TEX2: variants seen among roughly 807,000 people sequenced by gnomAD.
TEX2 encodes the protein testis expressed 2.
In TEX2, 53 loss-of-function variants were observed where a neutral mutation model predicts 106.9. That is an observed-to-expected ratio of 0.50 (90% CI 0.40 to 0.62). The LOEUF is 0.62. Ranked by LOEUF, TEX2 falls within the 20% of genes least tolerant of loss-of-function variation. The pLI, the probability that TEX2 is intolerant of heterozygous loss-of-function variation, is 0.00. For missense variants in TEX2, 1,207 were observed against 1,379.0 expected (o/e 0.88, Z 1.98); for synonymous variants, 523 against 534.8 (o/e 0.98, Z 0.30).
chr17:64,253,437 T>C (rs1237544668), intron 1 of TEX2, among the ~76,000 whole-genome samples: 1 of 151,810 alleles, frequency 6.6e-6, no homozygotes, highest in Admixed American at 6.6e-5. Context: ...AGTGTTGAGA[T>C]TACAGGTGTG....
chr17:64,168,943 C>T (rs1450481417), intron 7 of TEX2, among the ~76,000 whole-genome samples: 2 of 144,056 alleles, frequency 1.4e-5, no homozygotes, highest in Non-Finnish European at 3.0e-5. Context: ...GCTCTGTTGC[C>T]CAGGCCTCAG....
chr17:64,200,149 T>C (rs1225510189), intron 2 of TEX2, among the ~76,000 whole-genome samples: 1 of 152,318 alleles, frequency 6.6e-6, no homozygotes, highest in Non-Finnish European at 1.5e-5. Flanking sequence ...CATAGTTCTA[T>C]AGGAAAATTA....
At chr17:64,261,806 C>T (rs1294296716) in intron 1 of TEX2, among the ~76,000 whole-genome samples, 1 of 152,190 alleles carries the variant, frequency 6.6e-6, no homozygotes, top group Non-Finnish European at 1.5e-5. Flanking sequence ...TAACTTTAGA[C>T]CAACTACCAT....
In TEX2 at chr17:64,148,719, G is replaced by C; in HGVS notation, c.*250C>G. On this transcript the variant is annotated 3_prime_UTR_variant, in exon 12 of 12. Coordinates refer to ENST00000584379, the MANE Select transcript of TEX2 (RefSeq NM_001288732.2). ...TGGTGTGGGTCACGTATAACTTCTG[G>C]ATCCACCATGATTCTTCCATGGTCT... 1 of 459,712 alleles carries C rather than the reference G, an allele frequency of 2.2e-6. No individual in the cohort carries two copies. The highest frequency in any genetic ancestry group is 3.9e-6 in the Non-Finnish European group (1 of 258,312). 28.5% of individuals were successfully genotyped at this position (459,712 alleles called of 1,614,324 possible).
At chr17:64,173,290 C>A (rs921764935) in intron 6 of TEX2, among the ~76,000 whole-genome samples, 9 of 151,834 alleles carry the variant, frequency 5.9e-5, no homozygotes, top group Admixed American at 3.3e-4. Flanking sequence ...TCCCAGAATT[C>A]TCTTAGTTAT....
intron 1 of TEX2, among the ~76,000 whole-genome samples, chr17:64,215,229 T>C (rs1266633122): frequency 6.6e-6 from 1 of 152,222 alleles, no homozygotes; most frequent in East Asian, 1.9e-4. Flanking sequence ...GCACTAGCCC[T>C]ACTATGTAAA....
chr17:64,218,999 A>G (rs782439534), intron 1 of TEX2, among the ~76,000 whole-genome samples: 15 of 152,286 alleles, frequency 9.8e-5, no homozygotes, highest in Non-Finnish European at 1.8e-4. Flanking sequence ...CCACGAAAGC[A>G]AAGCACTTTC....
In TEX2 at chr17:64,152,997, A is replaced by C. The variant is rs1452473009; in HGVS notation, c.3088T>G (p.Cys1030Gly). Residue 1030 changes from cysteine (C) to glycine (G), a missense_variant, in exon 10 of 12, where the codon TGT becomes GGT. Cys to Gly is a radical substitution (Grantham distance 159, BLOSUM62 -3). Around this residue, in one of 3 missense-constraint regions of TEX2, gnomAD observed 63 missense variants for 112.2 expected, o/e 0.56. Coordinates refer to ENST00000584379, the MANE Select transcript of TEX2 (RefSeq NM_001288732.2). Reference sequence around the variant, plus strand: ...ATGTTGACCGCCAAGGTTCCTCTACATTCTTGTACTTCAACAGTGAGCAGC... The same window carrying C: ...ATGTTGACCGCCAAGGTTCCTCTACCTTCTTGTACTTCAACAGTGAGCAGC... ...PLLLTVEVQE[C>G]RGTLAVNIPP... 6.2e-7 allele frequency: 1 copy of C among 1,613,982 alleles called. No individual in the cohort carries two copies. The highest frequency in any genetic ancestry group is 8.5e-7 in the Non-Finnish European group (1 of 1,180,038).
At chr17:64,245,908 C>T (rs1278000428) in intron 1 of TEX2, among the ~76,000 whole-genome samples, 1 of 152,138 alleles carries the variant, frequency 6.6e-6, no homozygotes, top group East Asian at 1.9e-4. Context: ...GATGAAATTC[C>T]ACAGTAGGTT....
chr17:64,167,205 C>T (rs966171597), intron 7 of TEX2, among the ~76,000 whole-genome samples: 10 of 152,150 alleles, frequency 6.6e-5, no homozygotes, highest in African/African-American at 2.2e-4. Context: ...CCATTGTGTG[C>T]GATTTCATTC....
At chr17:64,165,330 C>T (rs1446854635) in intron 7 of TEX2, among the ~76,000 whole-genome samples, 1 of 152,208 alleles carries the variant, frequency 6.6e-6, no homozygotes, top group Non-Finnish European at 1.5e-5. Context: ...CTACCTGTAA[C>T]TGTCCTCTGA....
At position 64,180,174 on chromosome 17, in the gene TEX2, C is replaced by G. The variant is rs1036068947; in HGVS notation, c.2425-2703G>C. On this transcript the variant is annotated intron_variant, in intron 5 of 11. Transcript: ENST00000584379. ...TCAGACAGTACTAAGTTGCTGCCCA[C>G]GTAAGACACCACGTGTCTTATTTTA... is the stretch of plus-strand genomic sequence containing the variant. Among the ~76,000 whole-genome samples the G allele has an allele frequency of 4.6e-5, 7 of 152,268 alleles. No individual in the cohort carries two copies. The South Asian group carries it at 1.2e-3, about 27-fold the overall frequency.
At chr17:64,263,013 C>T (rs2034325049) in intron 1 of TEX2, among the ~76,000 whole-genome samples, 155 bp downstream of exon 1, 2 of 152,124 alleles carry the variant, frequency 1.3e-5, no homozygotes, top group East Asian at 3.9e-4. Flanking sequence ...AATACCTGAA[C>T]CATGACAGCG....
Position 64,212,982 on chromosome 17 carries a change from G to A in TEX2, c.1236C>T (p.Ser412=). The A allele has an allele frequency of 6.2e-7, 1 of 1,614,146 alleles. No homozygotes were observed. Among genetic ancestry groups the A allele is most frequent in the South Asian group, 1.1e-5 (1 of 91,088 alleles). ...GTTCACAAAACTCTTCATCTTCTTT[G>A]CTCACTAAGGCAGACAAAGAACATT... is the stretch of plus-strand genomic sequence containing the variant. ...LEKCSLSALV[S]KEDEEFCELY... The change falls in exon 2 of 12, where the codon AGC becomes AGT. Residue 412 remains serine (S), a synonymous_variant. Transcript: ENST00000584379.
In TEX2 at chr17:64,205,706, C is replaced by A. The variant is rs1248160822; in HGVS notation, c.1644+6868G>T. The stretch of plus-strand genomic sequence containing the variant: ...AAAACCAAAGCCTATATTCAGGGAA[C>A]CTATTTTTAAAACCTATCCCTCTTA... On this transcript the variant is annotated intron_variant, in intron 2 of 11. Coordinates refer to ENST00000584379, the MANE Select transcript of TEX2 (RefSeq NM_001288732.2). This position sits in a 1 kb window ranked among gnomAD's most constrained non-coding sequence, Gnocchi z 4.0. 1.3e-5 allele frequency among the ~76,000 whole-genome samples: 2 copies of A among 152,090 alleles called. No individual in the cohort carries two copies. The highest frequency in any genetic ancestry group is 2.4e-5 in the African/African-American group (1 of 41,400).
intron 10 of TEX2, among the ~76,000 whole-genome samples, chr17:64,152,560 G>A (rs1048623477): frequency 1.3e-5 from 2 of 152,190 alleles, no homozygotes; most frequent in African/African-American, 4.8e-5. Context: ...AGGATGCTAT[G>A]AGGACTAATC....
intron 2 of TEX2, among the ~76,000 whole-genome samples, chr17:64,208,955 CAGG>C (rs2032919636): frequency 6.6e-6 from 1 of 152,154 alleles, no homozygotes; most frequent in Non-Finnish European, 1.5e-5. Flanking sequence ...GCAACATCAC[CAGG>C]AGATGACAGG....
In TEX2 at chr17:64,224,187, C is replaced by A. The variant is rs569073018; in HGVS notation, c.-25-9945G>T. ...TGGCAGAGGAAAAGAAGGCAAGCTG[C>A]ATTCTATTGCAGAGGATGTCTTAAT... is the stretch of plus-strand genomic sequence containing the variant. On this transcript the variant is annotated intron_variant, in intron 1 of 11. Transcript: ENST00000584379. Among the ~76,000 whole-genome samples the A allele has an allele frequency of 7.9e-5, 12 of 152,316 alleles. 1 individual carries two copies. In the East Asian group the frequency reaches 1.3e-3, roughly 17 times the overall value.
chr17:64,213,737 A>G lies in TEX2; in HGVS notation c.481T>C (p.Ser161Pro). The change falls in exon 2 of 12, where the codon TCC (serine) becomes CCC (proline). Residue 161 changes from serine to proline, a missense_variant. Ser to Pro is a moderately conservative substitution (Grantham distance 74). This residue lies in a region of TEX2 where 1,067 missense variants were observed against 1,193.6 expected (regional missense o/e 0.89). Transcript: ENST00000584379. The surrounding 1 kb of genome is among the most constrained non-coding windows in gnomAD (Gnocchi z 4.4). Reference protein sequence around the residue: ...SSLSEQKTSSSSPLSSPSKSP... With the variant: ...SSLSEQKTSSPSPLSSPSKSP... ...TTAGAAGGAGAGGACAATGGGGAGG[A>G]AGAACTGGTTTTCTGCTCAGAAAGG... 3.1e-6 allele frequency: 5 copies of G among 1,614,056 alleles called. No homozygotes were observed. The highest frequency in any genetic ancestry group is 4.2e-6 in the Non-Finnish European group (5 of 1,180,002).
Sources: gnomAD v4.1 joint callset for allele counts (sites outside exome capture counted in the v4.1 genomes callset) on GRCh38, gnomAD v4.1.1 for gene constraint, gnomAD v4.1.1 regional missense constraint, Gnocchi (gnomAD v3.1) non-coding constraint, MANE v1.5 for transcripts, NCBI Gene and HGNC (gene_info 2026-07-23, HGNC 2026-07-21) for gene names.